FHIT: variants seen among roughly 807,000 people sequenced by gnomAD.
FHIT encodes the protein fragile histidine triad diadenosine triphosphatase.
A neutral mutation model predicts 17.9 loss-of-function variants in FHIT; 19 were observed. The ratio of observed to expected loss-of-function variants is 1.06; its 90% CI spans 0.74 to 1.56. The LOEUF is 1.56. Ranked by LOEUF, FHIT falls within the 40% of genes most tolerant of loss-of-function variation. The pLI, the probability that FHIT is intolerant of heterozygous loss-of-function variation, is 0.00. For missense variants in FHIT, 248 were observed against 189.2 expected (o/e 1.31, Z -1.82); for synonymous variants, 81 against 69.7 (o/e 1.16, Z -0.81).
At chr3:60,163,846 T>G (rs1701042489) in intron 5 of FHIT, among the ~76,000 whole-genome samples, 2 of 152,144 alleles carry the variant, frequency 1.3e-5, no homozygotes, top group Admixed American at 1.3e-4. Context: ...TCACTCCTAG[T>G]TGGGAAACAC....
chr3:60,918,032 T>C (rs981429129), intron 3 of FHIT, among the ~76,000 whole-genome samples: 1 of 152,206 alleles, frequency 6.6e-6, no homozygotes, highest in Non-Finnish European at 1.5e-5. Context: ...GTGGAGATAA[T>C]TGAATCATGG....
chr3:60,950,116 T>G (rs145366432), intron 3 of FHIT, among the ~76,000 whole-genome samples: 11 of 152,336 alleles, frequency 7.2e-5, no homozygotes, highest in Non-Finnish European at 7.3e-5. Flanking sequence ...CTACTTACCT[T>G]TGTGTTACAG....
chr3:60,395,226 T>C (rs1036430336), intron 5 of FHIT, among the ~76,000 whole-genome samples: 1 of 152,176 alleles, frequency 6.6e-6, no homozygotes, highest in Non-Finnish European at 1.5e-5. Flanking sequence ...GGAACACAGA[T>C]AAGCCATATC....
intron 4 of FHIT, among the ~76,000 whole-genome samples, chr3:60,575,392 C>T (rs73834244): frequency 0.14 from 21,431 of 151,966 alleles, 2,060 homozygotes; most frequent in East Asian, 0.34. Flanking sequence ...TTTCTTTTGT[C>T]TAAACATTAG....
At chr3:60,770,624 C>G (rs6765136) in intron 4 of FHIT, among the ~76,000 whole-genome samples, 25,652 of 152,040 alleles carry the variant, frequency 0.17, 3,287 homozygotes, top group African/African-American at 0.37. Context: ...TTAAATCCTT[C>G]GTATCCTAGA....
intron 5 of FHIT, among the ~76,000 whole-genome samples, chr3:60,267,185 T>A (rs1293347869): frequency 6.6e-6 from 1 of 151,908 alleles, no homozygotes; most frequent in African/African-American, 2.4e-5. Context: ...AGTATACATA[T>A]TACTTAGAGA....
At chr3:60,489,648 T>A (rs2033982154) in intron 5 of FHIT, among the ~76,000 whole-genome samples, 1 of 152,196 alleles carries the variant, frequency 6.6e-6, no homozygotes. Context: ...AGATAAAGAT[T>A]CTCTGCACAT....
intron 4 of FHIT, among the ~76,000 whole-genome samples, chr3:60,725,506 G>A (rs942911959): frequency 1.3e-5 from 2 of 152,046 alleles, no homozygotes; most frequent in Non-Finnish European, 2.9e-5. Context: ...TTTGTGTGTG[G>A]ATATCCAGTT....
chr3:59,994,306 C>A (rs543169665), intron 7 of FHIT, among the ~76,000 whole-genome samples: 2 of 152,152 alleles, frequency 1.3e-5, no homozygotes, highest in East Asian at 3.9e-4. Context: ...AAGCAGGTAA[C>A]CACCAACCCG....
chr3:60,246,654 C>T (rs559990211), intron 5 of FHIT, among the ~76,000 whole-genome samples: 3 of 152,104 alleles, frequency 2.0e-5, no homozygotes, highest in Non-Finnish European at 4.4e-5. Flanking sequence ...TTGAGTGGAG[C>T]TCAAGCTCTG....
chr3:60,198,479 C>T (rs213294), intron 5 of FHIT, among the ~76,000 whole-genome samples: 29,351 of 152,060 alleles, frequency 0.19, 3,035 homozygotes, highest in Middle Eastern at 0.3. Flanking sequence ...TTAAGCAGTG[C>T]CTGTCCTACT....
At chr3:60,359,979 GA>G (rs1699836348) in intron 5 of FHIT, among the ~76,000 whole-genome samples, 7 of 138,248 alleles carry the variant, frequency 5.1e-5, no homozygotes, top group Non-Finnish European at 9.3e-5. Flanking sequence ...GGACATTCAA[GA>G]CTTTTTTTTT....
intron 5 of FHIT, among the ~76,000 whole-genome samples, chr3:60,253,749 G>C (rs553611514): frequency 1.6e-3 from 236 of 152,246 alleles, no homozygotes; most frequent in African/African-American, 5.5e-3. Context: ...CTTCTTATCA[G>C]CCAATATGTC....
chr3:61,222,997 G>T (rs575797784), intron 1 of FHIT, among the ~76,000 whole-genome samples: 1 of 152,292 alleles, frequency 6.6e-6, no homozygotes, highest in African/African-American at 2.4e-5. Context: ...AGAGGACATT[G>T]ACAGATACAA....
intron 8 of FHIT, among the ~76,000 whole-genome samples, chr3:59,807,355 T>C (rs1268780890): frequency 6.6e-6 from 1 of 152,106 alleles, no homozygotes; most frequent in Non-Finnish European, 1.5e-5. Flanking sequence ...TGGGTATTAG[T>C]AGCATAGCAG....
chr3:60,701,155 C>A (rs1303284741), intron 4 of FHIT, among the ~76,000 whole-genome samples: 6 of 149,560 alleles, frequency 4.0e-5, no homozygotes, highest in Admixed American at 1.3e-4. Context: ...ACAGGATCTC[C>A]CTTTGTTGTC....
chr3:60,716,780 A>G (rs567272077), intron 4 of FHIT, among the ~76,000 whole-genome samples: 5 of 152,338 alleles, frequency 3.3e-5, no homozygotes, highest in Admixed American at 1.3e-4. Context: ...TTACACCAGC[A>G]TCACCACAAG....
chr3:60,763,103 C>T (rs1173418615), intron 4 of FHIT, among the ~76,000 whole-genome samples: 1 of 152,036 alleles, frequency 6.6e-6, no homozygotes, highest in African/African-American at 2.4e-5. Context: ...GTCTGTGACC[C>T]TCAGCTTCCA....
intron 5 of FHIT, among the ~76,000 whole-genome samples, chr3:60,371,642 T>A (rs1437475785): frequency 6.6e-6 from 1 of 152,174 alleles, no homozygotes. Context: ...ATCATTCTGC[T>A]CTATGATGTA....
Sources: allele counts gnomAD v4.1 joint callset (sites outside exome capture counted in the v4.1 genomes callset), GRCh38; gene constraint gnomAD v4.1.1; transcripts MANE v1.5; gene names NCBI Gene and HGNC (gene_info 2026-07-23, HGNC 2026-07-21).